Variants in SPMAP2L observed in about 807,000 individuals in gnomAD.
SPMAP2L encodes the protein sperm microtubule associated protein 2-like.
the SPMAP2L span, chr4:56,548,798 G>A: frequency 1.3e-6 from 2 of 1,487,002 alleles, no homozygotes; most frequent in South Asian, 1.3e-5. Context: ...AGCAAATCCT[G>A]TTTCCTGTGA....
chr4:56,606,588 G>C, the SPMAP2L span, among the ~76,000 whole-genome samples: 49 of 152,218 alleles, frequency 3.2e-4, no homozygotes, highest in African/African-American at 1.1e-3. Context: ...TGCCGGAACT[G>C]CCTTCCAGTA....
the SPMAP2L span, among the ~76,000 whole-genome samples, chr4:56,543,368 C>T: frequency 6.6e-6 from 1 of 151,256 alleles, no homozygotes; most frequent in South Asian, 2.2e-4. Flanking sequence ...CAGACGTGAG[C>T]CACCGCGCCC....
chr4:56,559,329 T>C, the SPMAP2L span: 1 of 1,196,464 alleles, frequency 8.4e-7, no homozygotes, highest in South Asian at 2.1e-5. Context: ...AAAAGAGTCA[T>C]TTTTTATATT....
the SPMAP2L span, among the ~76,000 whole-genome samples, chr4:56,616,491 A>G: frequency 6.6e-6 from 1 of 152,208 alleles, no homozygotes; most frequent in Non-Finnish European, 1.5e-5. Context: ...TTGAGTAGCA[A>G]GTATCAAAGA....
the SPMAP2L span, among the ~76,000 whole-genome samples, chr4:56,610,942 T>C: frequency 6.6e-6 from 1 of 151,988 alleles, no homozygotes; most frequent in Non-Finnish European, 1.5e-5. Context: ...AAATAACAAA[T>C]GTTTGTGTGG....
chr4:56,584,533 A>G, the SPMAP2L span: 1 of 1,535,408 alleles, frequency 6.5e-7, no homozygotes, highest in South Asian at 1.2e-5. Flanking sequence ...ATTCTCTTCG[A>G]ATCTCTGATC....
the SPMAP2L span, among the ~76,000 whole-genome samples, chr4:56,534,956 A>T: frequency 6.6e-6 from 1 of 151,972 alleles, no homozygotes; most frequent in Non-Finnish European, 1.5e-5. Flanking sequence ...AACAACAACA[A>T]CAAAAAAACC....
At chr4:56,609,512 A>G in the SPMAP2L span, among the ~76,000 whole-genome samples, 1 of 152,228 alleles carries the variant, frequency 6.6e-6, no homozygotes, top group Non-Finnish European at 1.5e-5. Context: ...TTTTGGGGCT[A>G]TTGGAATGAA....
the SPMAP2L span, chr4:56,594,241 C>T: frequency 1.3e-6 from 2 of 1,598,116 alleles, no homozygotes; most frequent in Non-Finnish European, 1.7e-6. Context: ...TCAACAGCTA[C>T]CACTCTGAAA....
chr4:56,620,440 G>A, the SPMAP2L span, among the ~76,000 whole-genome samples: 29 of 149,146 alleles, frequency 1.9e-4, no homozygotes, highest in African/African-American at 6.8e-4. Context: ...GGCTGGAAGT[G>A]CAACAGCGCG....
At chr4:56,615,772 CAAA>C in the SPMAP2L span, among the ~76,000 whole-genome samples, 1 of 151,842 alleles carries the variant, frequency 6.6e-6, no homozygotes, top group Non-Finnish European at 1.5e-5. Context: ...AACAAACAAA[CAAA>C]CAAACAAAAT....
the SPMAP2L span, among the ~76,000 whole-genome samples, chr4:56,612,445 G>A: frequency 1.1e-3 from 162 of 152,068 alleles, 1 homozygote; most frequent in African/African-American, 3.5e-3. Context: ...GAGTTCAAGC[G>A]ATTCTCGTGC....
the SPMAP2L span, among the ~76,000 whole-genome samples, chr4:56,579,830 G>T: frequency 5.3e-5 from 8 of 152,246 alleles, no homozygotes; most frequent in South Asian, 1.7e-3. Context: ...GCAAATGAGA[G>T]AACCTAGATG....
At chr4:56,623,476 C>G in the SPMAP2L span, among the ~76,000 whole-genome samples, 3 of 152,096 alleles carry the variant, frequency 2.0e-5, no homozygotes, top group Non-Finnish European at 4.4e-5. Context: ...GGGAGAGGAG[C>G]CCTAGAGAGA....
chr4:56,600,070 C>CAGCT, the SPMAP2L span, among the ~76,000 whole-genome samples: 1,351 of 147,480 alleles, frequency 9.2e-3, 9 homozygotes, highest in Non-Finnish European at 0.014. Context: ...GAATGTAAAC[C>CAGCT]AGCTAATTTT....
At chr4:56,603,413 C>T in the SPMAP2L span, 96 of 884,188 alleles carry the variant, frequency 1.1e-4, no homozygotes, top group Non-Finnish European at 1.3e-4. Flanking sequence ...TGTCAGTTTA[C>T]ATTCACCCCT....
chr4:56,570,777 GCTT>G, the SPMAP2L span, among the ~76,000 whole-genome samples: 5 of 151,660 alleles, frequency 3.3e-5, no homozygotes, highest in Non-Finnish European at 7.4e-5. Flanking sequence ...CTCACAATAA[GCTT>G]CTTTTTTAAA....
the SPMAP2L span, among the ~76,000 whole-genome samples, chr4:56,545,031 A>G: frequency 6.6e-6 from 1 of 152,228 alleles, no homozygotes; most frequent in African/African-American, 2.4e-5. Flanking sequence ...CAGCTGTGTC[A>G]GTGTAAATCC....
At chr4:56,619,176 A>C in the SPMAP2L span, among the ~76,000 whole-genome samples, 3 of 152,256 alleles carry the variant, frequency 2.0e-5, no homozygotes, top group Non-Finnish European at 4.4e-5. Context: ...ATACTGCAAT[A>C]AAAGTTATGT....
Sources: gnomAD v4.1 joint callset for allele counts (sites outside exome capture counted in the v4.1 genomes callset) on GRCh38, gnomAD v4.1.1 for gene constraint, MANE v1.5 for transcripts, NCBI Gene and HGNC (gene_info 2026-07-23, HGNC 2026-07-21) for gene names.